BTD: variants seen among roughly 807,000 people sequenced by gnomAD.
BTD encodes biotinidase.
In BTD, 13 loss-of-function variants were observed where a neutral mutation model predicts 17.7. That is an observed-to-expected ratio of 0.74 (90% CI 0.48 to 1.17). The LOEUF is 1.17. BTD is among the 50% of genes most tolerant of loss of function. BTD has a pLI of 0.00. For missense variants in BTD, 674 were observed against 650.4 expected, an observed-to-expected ratio of 1.04 and a Z score of -0.39; for synonymous variants, 240 against 245.2, an observed-to-expected ratio of 0.98 and a Z score of 0.20.
chr3:15,650,498 C>G lies in BTD; in HGVS notation c.*5010C>G, dbSNP rs78140725. 4.4e-3 allele frequency among the ~76,000 whole-genome samples: 670 copies of G among 152,134 alleles called. 8 individuals are homozygous for G. Among genetic ancestry groups the G allele is most frequent in the South Asian group, 0.015 (73 of 4,824 alleles). On this transcript the variant is annotated 3_prime_UTR_variant, in exon 4 of 4. Coordinates refer to ENST00000643237, the MANE Select transcript of BTD (RefSeq NM_001370658.1). ...GAGTCTAAGAATAAATTCTCTTCAGCCATTGCTGAATCTAGGGGCTCAAAT... is the reference window on the plus strand; with the variant it reads ...GAGTCTAAGAATAAATTCTCTTCAGGCATTGCTGAATCTAGGGGCTCAAAT...
At chr3:15,664,133 G>A (rs1281911942) in intron 3 of BTD, among the ~76,000 whole-genome samples, 1 of 152,144 alleles carries the variant, frequency 6.6e-6, no homozygotes, top group Non-Finnish European at 1.5e-5. Flanking sequence ...ATGTTCACTA[G>A]ATCCAGCTGG....
chr3:15,620,118 A>G (rs2064906576), intron 1 of BTD, among the ~76,000 whole-genome samples: 2 of 152,216 alleles, frequency 1.3e-5, no homozygotes, highest in African/African-American at 2.4e-5. Flanking sequence ...GTCTATGTTC[A>G]GCGGTGCACA....
rs552267198 is a variant in BTD at position 15,703,653 on chromosome 3, C to T, written c.400-6407C>T. Among the ~76,000 whole-genome samples, 8 of 152,182 alleles carry T rather than the reference C, an allele frequency of 5.3e-5. No homozygotes were observed. The East Asian group carries it at 1.5e-3, about 29-fold the overall frequency. ...AAGATTTCTGTTGTTTATAAGCCAC[C>T]CAGTTTTTGGTATTTTGTTATACCA... On this transcript the variant is annotated intron_variant, in intron 3 of 3. Transcript: ENST00000672141.
chr3:15,622,859 G>T (rs2064984630), intron 1 of BTD, among the ~76,000 whole-genome samples: 1 of 152,182 alleles, frequency 6.6e-6, no homozygotes, highest in Admixed American at 6.5e-5. Context: ...TGAAATTTAT[G>T]TAGCTATTCT....
At chr3:15,621,590 G>A (rs1458077534) in intron 1 of BTD, among the ~76,000 whole-genome samples, 16 of 151,716 alleles carry the variant, frequency 1.1e-4, no homozygotes, top group Admixed American at 9.2e-4. Flanking sequence ...TAAGAAATTG[G>A]TTATCATTTT....
chr3:15,658,387 T>C (rs1021247150), downstream of BTD, among the ~76,000 whole-genome samples: 3 of 152,194 alleles, frequency 2.0e-5, no homozygotes, highest in African/African-American at 7.2e-5. Context: ...CACCTGTTAA[T>C]TGAGTGACGC....
At chr3:15,682,344 C>T (rs17041447) in intron 3 of BTD, among the ~76,000 whole-genome samples, 6,272 of 152,196 alleles carry the variant, frequency 0.041, 424 homozygotes, top group African/African-American at 0.14. Flanking sequence ...CACTCACCAT[C>T]TGAGTACAGA....
intron 3 of BTD, chr3:15,689,830 A>G (rs369597442): frequency 6.9e-6 from 4 of 579,816 alleles, no homozygotes; most frequent in East Asian, 2.9e-5. Flanking sequence ...ATGTTTATGA[A>G]TGACGGAGGC....
At chr3:15,696,922 C>A (rs1333799468) in intron 3 of BTD, among the ~76,000 whole-genome samples, 1 of 152,126 alleles carries the variant, frequency 6.6e-6, no homozygotes, top group East Asian at 1.9e-4. Context: ...TTTGATCCAG[C>A]AATCCCATTA....
At chr3:15,638,027 G>GTTTT (rs955401314) in intron 2 of BTD, among the ~76,000 whole-genome samples, 1 of 152,126 alleles carries the variant, frequency 6.6e-6, no homozygotes, top group African/African-American at 2.4e-5. Context: ...TTGTTTGTTT[G>GTTTT]TTTTCCAGCA....
chr3:15,627,141 G>C (rs924308717), intron 1 of BTD, among the ~76,000 whole-genome samples: 1 of 152,130 alleles, frequency 6.6e-6, no homozygotes, highest in African/African-American at 2.4e-5. Flanking sequence ...CCCTCCAACC[G>C]AACACCCCTG....
chr3:15,714,073 T>G (rs2126091347), downstream of BTD, among the ~76,000 whole-genome samples: 1 of 152,314 alleles, frequency 6.6e-6, no homozygotes, highest in Non-Finnish European at 1.5e-5. Context: ...TGAGGATAAA[T>G]TTCTTGGAAT....
chr3:15,661,966 A>G (rs371066652), intron 3 of BTD, among the ~76,000 whole-genome samples: 3 of 152,274 alleles, frequency 2.0e-5, no homozygotes, highest in East Asian at 1.9e-4. Context: ...TGGGTTCTCT[A>G]TCTGTTCCAC....
At chr3:15,710,709 A>G (rs1169969332) in exon 4 of BTD, among the ~76,000 whole-genome samples, 1 of 152,204 alleles carries the variant, frequency 6.6e-6, no homozygotes, top group Non-Finnish European at 1.5e-5. Context: ...TGTTGCTCGT[A>G]TGAACCAACT....
At chr3:15,685,894 C>T (rs1031001973) in intron 3 of BTD, 2 of 824,024 alleles carry the variant, frequency 2.4e-6, no homozygotes, top group African/African-American at 3.4e-5. Context: ...ATGGTAAAGA[C>T]TATTTGACGA....
chr3:15,676,872 A>G, intron 3 of BTD: 1 of 882,424 alleles, frequency 1.1e-6, no homozygotes, highest in Non-Finnish European at 1.7e-6. Context: ...TGCTTCTATG[A>G]CTAATGAAAC....
intron 1 of BTD, among the ~76,000 whole-genome samples, chr3:15,613,748 A>G (rs1343995738): frequency 6.6e-6 from 1 of 151,700 alleles, no homozygotes; most frequent in African/African-American, 2.4e-5. Flanking sequence ...CTTTTTATTT[A>G]CTCATTTTTG....
At chr3:15,714,432 T>A (rs2072738968), downstream of BTD, 3 of 641,712 alleles carry the variant, frequency 4.7e-6, no homozygotes, top group Admixed American at 7.5e-5. Context: ...TCTTTAATAT[T>A]TTATTTTCAT....
At chr3:15,695,510 G>A (rs573926539) in intron 3 of BTD, among the ~76,000 whole-genome samples, 14 of 152,146 alleles carry the variant, frequency 9.2e-5, no homozygotes, top group African/African-American at 3.1e-4. Context: ...ATCTACGCTC[G>A]TTGAATTTTA....
Sources: gnomAD v4.1 joint callset for allele counts (sites outside exome capture counted in the v4.1 genomes callset) on GRCh38, gnomAD v4.1.1 for gene constraint, MANE v1.5 for transcripts, NCBI Gene and HGNC (gene_info 2026-07-23, HGNC 2026-07-21) for gene names.